The following FRMD4A variants were observed in gnomAD, a reference collection of about 807,000 sequenced individuals.
FRMD4A encodes the protein FERM domain containing 4A.
FRMD4A carries 29 observed loss-of-function variants against 129.1 expected under a neutral mutation model. That is an observed-to-expected ratio of 0.22 (90% CI 0.17 to 0.31). The LOEUF is 0.31. FRMD4A is among the 10% of genes least tolerant of loss of function. The pLI is 1.00. For missense variants in FRMD4A, 1,272 were observed against 1,375.8 expected (o/e 0.92, Z 1.19); for synonymous variants, 634 against 571.6 (o/e 1.11, Z -1.56).
intron 2 of FRMD4A, among the ~76,000 whole-genome samples, chr10:14,267,531 A>G (rs781698558): frequency 2.0e-5 from 3 of 152,226 alleles, no homozygotes; most frequent in Non-Finnish European, 4.4e-5. Flanking sequence ...ACCATTTGGC[A>G]GTAGCCTTTC....
intron 2 of FRMD4A, among the ~76,000 whole-genome samples, chr10:14,034,504 TAC>T (rs1323501782): frequency 6.6e-6 from 1 of 151,492 alleles, no homozygotes; most frequent in Non-Finnish European, 1.5e-5. Context: ...GGTGAATATA[TAC>T]AGTGTCCATC....
chr10:13,708,150 A>T (rs1015620624), intron 12 of FRMD4A, among the ~76,000 whole-genome samples: 1 of 152,146 alleles, frequency 6.6e-6, no homozygotes, highest in African/African-American at 2.4e-5. Flanking sequence ...TTCTGCGGGG[A>T]ACAGCTTCCC....
At chr10:13,876,607 G>T (rs568782974) in intron 2 of FRMD4A, among the ~76,000 whole-genome samples, 12 of 152,014 alleles carry the variant, frequency 7.9e-5, no homozygotes, top group South Asian at 2.1e-4. Flanking sequence ...TTAATCTGTC[G>T]TTTTAAATGA....
intron 4 of FRMD4A, among the ~76,000 whole-genome samples, chr10:13,808,989 GCA>G (rs1448805445): frequency 1.3e-5 from 2 of 152,164 alleles, no homozygotes; most frequent in African/African-American, 4.8e-5. Flanking sequence ...ACACACGCAC[GCA>G]CACACGCATG....
intron 2 of FRMD4A, among the ~76,000 whole-genome samples, chr10:14,219,971 G>A (rs888363837): frequency 1.3e-5 from 2 of 152,142 alleles, no homozygotes; most frequent in African/African-American, 4.8e-5. Context: ...TAGAATGTAT[G>A]TTTCCCTATC....
intron 2 of FRMD4A, among the ~76,000 whole-genome samples, chr10:14,276,615 G>A (rs1415093543): frequency 1.3e-5 from 2 of 152,160 alleles, no homozygotes; most frequent in African/African-American, 4.8e-5. Context: ...GCCCAAAGTT[G>A]GGTAAAATTG....
At chr10:14,018,904 C>G (rs1389380034) in intron 2 of FRMD4A, among the ~76,000 whole-genome samples, 2 of 152,200 alleles carry the variant, frequency 1.3e-5, no homozygotes, top group Non-Finnish European at 2.9e-5. Flanking sequence ...AAGAGTCAAG[C>G]CTGTAAATGC....
chr10:13,831,991 C>A (rs1380229182), intron 3 of FRMD4A, among the ~76,000 whole-genome samples: 3 of 152,286 alleles, frequency 2.0e-5, no homozygotes, highest in African/African-American at 7.2e-5. Context: ...AAGACTTTCA[C>A]TTCCTCTGTC....
intron 22 of FRMD4A, chr10:13,654,826 G>A (rs2081999046): frequency 2.4e-6 from 1 of 419,146 alleles, no homozygotes; most frequent in Admixed American, 4.0e-5. Flanking sequence ...GCATAGGGAT[G>A]GTGACGGTTT....
At chr10:14,082,636 C>G (rs1014357102) in intron 2 of FRMD4A, among the ~76,000 whole-genome samples, 1 of 152,122 alleles carries the variant, frequency 6.6e-6, no homozygotes, top group Non-Finnish European at 1.5e-5. Context: ...GAAAAGGCAC[C>G]TGAAACTCAG....
At chr10:14,119,378 A>C (rs1348105013) in intron 2 of FRMD4A, among the ~76,000 whole-genome samples, 1 of 152,208 alleles carries the variant, frequency 6.6e-6, no homozygotes, top group Non-Finnish European at 1.5e-5. Flanking sequence ...GGTGGGGCCA[A>C]ACCCCAGGTA....
Position 14,154,923 on chromosome 10 carries a change from C to T in FRMD4A, c.45+175135G>A, listed in dbSNP as rs11258905. On this transcript the variant is annotated intron_variant, in intron 2 of 24. Transcript: ENST00000357447. ...TCTGAAAGAAATATGGCAGGCAAAA[C>T]AATCCTGGGCCAGTACTCAACTATG... is the stretch of plus-strand genomic sequence containing the variant. 9.0e-3 allele frequency among the ~76,000 whole-genome samples: 1,372 copies of T among 152,270 alleles called. 20 individuals carry two copies. Among genetic ancestry groups the T allele is most frequent in the African/African-American group, 0.031 (1,289 of 41,550 alleles).
At chr10:14,024,578 A>C (rs772481216) in intron 2 of FRMD4A, among the ~76,000 whole-genome samples, 1 of 152,220 alleles carries the variant, frequency 6.6e-6, no homozygotes, top group African/African-American at 2.4e-5. Context: ...CGCAGGCTGG[A>C]CTGCTCGAGC....
intron 3 of FRMD4A, among the ~76,000 whole-genome samples, chr10:13,835,479 G>C (rs903388078): frequency 2.0e-5 from 3 of 152,146 alleles, no homozygotes; most frequent in Admixed American, 1.3e-4. Flanking sequence ...AGTCGCAGGA[G>C]AGTGAGTGAA....
rs529422206 is a variant in FRMD4A at position 13,651,886 on chromosome 10, A to G, written c.*2+17T>C. Reference sequence around the variant, plus strand: ...ACAGACTCATGGGCAGTAGGAACAAAACTCCCCTTACGGTACCTCTATTCA... The same window carrying G: ...ACAGACTCATGGGCAGTAGGAACAAGACTCCCCTTACGGTACCTCTATTCA... On this transcript the variant is annotated intron_variant, in intron 24 of 24. Transcript: ENST00000357447. 1.2e-5 allele frequency: 16 copies of G among 1,385,876 alleles called. 1 individual carries two copies. The East Asian group carries it at 1.4e-4, about 12-fold the overall frequency. 85.8% of individuals were successfully genotyped at this position (1,385,876 alleles called of 1,614,324 possible).
chr10:14,134,090 T>C (rs1323448500), intron 2 of FRMD4A, among the ~76,000 whole-genome samples: 1 of 152,238 alleles, frequency 6.6e-6, no homozygotes, highest in Non-Finnish European at 1.5e-5. Context: ...CTTTTGATAA[T>C]TTCTACAAGG....
At chr10:14,300,409 T>C (rs1846147137) in intron 2 of FRMD4A, among the ~76,000 whole-genome samples, 1 of 152,194 alleles carries the variant, frequency 6.6e-6, no homozygotes, top group Non-Finnish European at 1.5e-5. Context: ...TTAGACAGTC[T>C]GCAATTTTTA....
chr10:13,939,989 T>C (rs1202061307), intron 2 of FRMD4A, among the ~76,000 whole-genome samples: 1 of 152,182 alleles, frequency 6.6e-6, no homozygotes, highest in Non-Finnish European at 1.5e-5. Flanking sequence ...AGCTCTTTGA[T>C]TGAAATAAAT....
chr10:13,858,676 C>T (rs376424150), intron 3 of FRMD4A, among the ~76,000 whole-genome samples, 171 bp downstream of exon 3: 1 of 152,108 alleles, frequency 6.6e-6, no homozygotes, highest in East Asian at 1.9e-4. Context: ...ACAGATACAA[C>T]CAAAATAGCA....
Sources: allele counts gnomAD v4.1 joint callset (sites outside exome capture counted in the v4.1 genomes callset), GRCh38; gene constraint gnomAD v4.1.1; transcripts MANE v1.5; gene names NCBI Gene and HGNC (gene_info 2026-07-23, HGNC 2026-07-21).